Variants in GUCY1A1 observed in about 807,000 individuals in gnomAD.
GUCY1A1 encodes the protein guanylate cyclase soluble subunit alpha-1.
Under a neutral mutation model 64.5 loss-of-function variants are expected in GUCY1A1, and 48 were observed. The ratio of observed to expected loss-of-function variants is 0.74; its 90% CI spans 0.59 to 0.95. The LOEUF (loss-of-function observed/expected upper bound fraction) is 0.95, where lower values mean the gene tolerates loss of function less well. Among genes scored for constraint, GUCY1A1 ranks in the 40% least tolerant of loss-of-function variants. The pLI is 0.00. For synonymous variants in GUCY1A1, 308 were observed against 303.4 expected (o/e 1.02, Z -0.16); for missense variants, 804 against 825.3 (o/e 0.97, Z 0.32).
Position 155,722,171 on chromosome 4 carries a change from A to G in GUCY1A1, c.1850A>G (p.Asn617Ser), listed in dbSNP as rs1274230790. The G allele has an allele frequency of 2.5e-6, 4 of 1,612,724 alleles. No homozygotes were observed. Among genetic ancestry groups the G allele is most frequent in the African/African-American group, 2.7e-5 (2 of 74,858 alleles). The part of the protein sequence containing the change: ...FESCSVPRKI[N>S]VSPTTYRLLK... The stretch of plus-strand genomic sequence containing the variant: ...TCCTGCAGTGTACCACGAAAAATCA[A>G]TGTCAGCCCAACAACTTACAGGTAG... The change falls in exon 9 of 10, where the codon AAT becomes AGT. Residue 617 changes from asparagine (N) to serine (S), a missense_variant. By Grantham distance (46) the Asn-to-Ser change is conservative. Transcript: ENST00000506455.
chr4:155,687,982 G>A (rs1179397625), intron 2 of GUCY1A1, among the ~76,000 whole-genome samples: 2 of 152,016 alleles, frequency 1.3e-5, no homozygotes, highest in Non-Finnish European at 2.9e-5. Context: ...CCAGCACTTT[G>A]GGAGGCCGAA....
rs1418016514 is a variant in GUCY1A1, at chr4:155,690,883, G to A, written c.-112-5873G>A. Among the ~76,000 whole-genome samples, 4 of 152,196 alleles carry A rather than the reference G, an allele frequency of 2.6e-5. No homozygotes were observed. The East Asian group carries it at 7.7e-4, about 29-fold the overall frequency. ...ACTCTGACCTTGTGTCTAGAAAAAT[G>A]CCTGGCACAGAGCAAGACCTTCGTA... On this transcript the variant is annotated intron_variant, in intron 2 of 9. Coordinates refer to ENST00000506455, the MANE Select transcript of GUCY1A1 (RefSeq NM_001130682.3).
chr4:155,707,834 TC>T (rs1294339467), intron 4 of GUCY1A1, among the ~76,000 whole-genome samples: 6 of 103,806 alleles, frequency 5.8e-5, no homozygotes, highest in Non-Finnish European at 1.1e-4. Flanking sequence ...TTTCTTTCTT[TC>T]TTTCTTTTTT....
At chr4:155,700,665 T>C (rs1057423016) in intron 3 of GUCY1A1, among the ~76,000 whole-genome samples, 30 of 152,162 alleles carry the variant, frequency 2.0e-4, no homozygotes, top group Non-Finnish European at 3.8e-4. Flanking sequence ...ACTATTTGCA[T>C]TGGGGAACAA....
At chr4:155,681,598 G>A (rs1484034631) in intron 2 of GUCY1A1, among the ~76,000 whole-genome samples, 1 of 152,098 alleles carries the variant, frequency 6.6e-6, no homozygotes, top group Admixed American at 6.5e-5. Context: ...CTTCAGACTT[G>A]TGACATACAC....
Position 155,722,081 on chromosome 4 carries a change from T to C in GUCY1A1, c.1760T>C (p.Val587Ala). 1 of 1,613,664 alleles carries C rather than the reference T, an allele frequency of 6.2e-7. No homozygotes were observed. The highest frequency in any genetic ancestry group is 2.2e-5 in the East Asian group (1 of 44,854). ...TCTGGATCAGTTTTTGCTGGCGTCG[T>C]TGGAGTTAAAATGCCCCGTTACTGT... is the stretch of plus-strand genomic sequence containing the variant. ...LHSGSVFAGV[V>A]GVKMPRYCLF... Residue 587 changes from valine (V) to alanine (A), a missense_variant, in exon 9 of 10, where the codon GTT becomes GCT. Transcript: ENST00000506455.
intron 2 of GUCY1A1, among the ~76,000 whole-genome samples, chr4:155,687,843 A>G (rs1424598676): frequency 2.6e-5 from 4 of 152,072 alleles, no homozygotes; most frequent in African/African-American, 9.7e-5. Flanking sequence ...TGGCACCTAC[A>G]TTTATGTGAA....
rs111686654 is a variant in GUCY1A1, at chr4:155,717,481, T to G, written c.1716+179T>G. 6.4e-3 allele frequency among the ~76,000 whole-genome samples: 968 copies of G among 152,274 alleles called. 12 individuals are homozygous for G. Among genetic ancestry groups the G allele is most frequent in the African/African-American group, 0.021 (861 of 41,540 alleles). ...TTGGAAGAAATTTATTATAGGGTAT[T>G]AAATGGCTTACAGAATCATTGAGAG... On this transcript the variant is annotated intron_variant, in intron 8 of 9. Coordinates refer to ENST00000506455, the MANE Select transcript of GUCY1A1 (RefSeq NM_001130682.3).
chr4:155,697,729 G>A (rs115658707), intron 3 of GUCY1A1, among the ~76,000 whole-genome samples: 215 of 152,222 alleles, frequency 1.4e-3, no homozygotes, highest in African/African-American at 3.0e-3. Context: ...CTACACCTGC[G>A]TGTTATTAGG....
intron 3 of GUCY1A1, 76 bp downstream of exon 3, chr4:155,697,198 A>G (rs1730534316): frequency 9.5e-7 from 1 of 1,056,480 alleles, no homozygotes; most frequent in African/African-American, 1.6e-5. Context: ...AGGAAAATTT[A>G]AACACTTCCT....
At chr4:155,694,954 G>A (rs1231832006) in intron 2 of GUCY1A1, among the ~76,000 whole-genome samples, 4 of 152,134 alleles carry the variant, frequency 2.6e-5, no homozygotes. Flanking sequence ...TCCCCCTATA[G>A]CCATATTACC....
chr4:155,713,373 G>T lies in GUCY1A1; in HGVS notation c.1362G>T (p.Leu454=), dbSNP rs1732835205. The change falls in exon 7 of 10, where the codon CTG becomes CTT. Residue 454 remains leucine (L), a synonymous_variant. Coordinates refer to ENST00000506455, the MANE Select transcript of GUCY1A1 (RefSeq NM_001130682.3). ...EEEKKKTVDL[L]CSIFPCEVAQ... ...AGAAGAAAAAGACAGTAGACCTTCT[G>T]TGCTCCATATTTCCCTGTGAGGTTG... 1 of 1,614,168 alleles carries T rather than the reference G, an allele frequency of 6.2e-7. No homozygotes were observed. Among genetic ancestry groups the T allele is most frequent in the African/African-American group, 1.3e-5 (1 of 75,058 alleles).
intron 2 of GUCY1A1, among the ~76,000 whole-genome samples, chr4:155,690,341 T>C (rs137889336): frequency 1.4e-3 from 219 of 152,226 alleles, no homozygotes; most frequent in Middle Eastern, 3.4e-3. Flanking sequence ...ATTGATTCAT[T>C]TTTTCCCCCC....
intron 2 of GUCY1A1, among the ~76,000 whole-genome samples, chr4:155,684,643 G>A (rs1254263023): frequency 2.0e-5 from 3 of 152,024 alleles, no homozygotes; most frequent in African/African-American, 4.8e-5. Context: ...TTTTCTCTGG[G>A]GTCATAAAAG....
Position 155,708,234 on chromosome 4 carries a change from A to G in GUCY1A1, c.318-2A>G. On this transcript the variant is annotated splice_acceptor_variant, in intron 4 of 9. Coordinates refer to ENST00000506455, the MANE Select transcript of GUCY1A1 (RefSeq NM_001130682.3). LOFTEE classifies it high-confidence loss of function. ...TAACTTAAAATATTGAAATATTTCC[A>G]GGAAATCTTTGGAAAGAGAAGACTT... The G allele has an allele frequency of 7.1e-7, 1 of 1,409,104 alleles. No individual in the cohort carries two copies. The highest frequency in any genetic ancestry group is 1.0e-6 in the Non-Finnish European group (1 of 995,198). 87.3% of individuals were successfully genotyped at this position (1,409,104 alleles called of 1,614,324 possible).
chr4:155,693,110 TA>T (rs1729974952), intron 2 of GUCY1A1, among the ~76,000 whole-genome samples: 1 of 152,140 alleles, frequency 6.6e-6, no homozygotes. Context: ...TTCTAGAGTT[TA>T]AATGATTGAG....
At chr4:155,689,459 G>A (rs967436304) in intron 2 of GUCY1A1, among the ~76,000 whole-genome samples, 1 of 152,130 alleles carries the variant, frequency 6.6e-6, no homozygotes, top group Non-Finnish European at 1.5e-5. Flanking sequence ...TCAAATTGTA[G>A]TCATCACACG....
intron 2 of GUCY1A1, among the ~76,000 whole-genome samples, chr4:155,694,156 A>G (rs1212349093): frequency 6.6e-6 from 1 of 152,190 alleles, no homozygotes; most frequent in East Asian, 1.9e-4. Flanking sequence ...CTTTTCCCTG[A>G]AAATTAATAC....
intron 9 of GUCY1A1, among the ~76,000 whole-genome samples, chr4:155,725,495 C>G (rs556624753): frequency 6.6e-6 from 1 of 152,186 alleles, no homozygotes; most frequent in East Asian, 1.9e-4. Flanking sequence ...CTGTGTTTCT[C>G]TTTCAATGTT....
Sources: allele counts gnomAD v4.1 joint callset (sites outside exome capture counted in the v4.1 genomes callset), GRCh38; gene constraint gnomAD v4.1.1; transcripts MANE v1.5; gene names NCBI Gene and HGNC (gene_info 2026-07-23, HGNC 2026-07-21).